Variants in TEX9 observed in about 807,000 individuals in gnomAD.
The protein encoded by TEX9 is testis-expressed protein 9.
A neutral mutation model predicts 59.6 loss-of-function variants in TEX9; 74 were observed. The observed-to-expected ratio is 1.24, with a 90% CI of 1.03 to 1.51. The LOEUF is 1.51. Among genes scored for constraint, TEX9 ranks in the 40% most tolerant of loss-of-function variants. The pLI, the probability that TEX9 is intolerant of heterozygous loss-of-function variation, is 0.00. For synonymous variants in TEX9, 186 were observed against 152.2 expected, an observed-to-expected ratio of 1.22 and a Z score of -1.64; for missense variants, 522 against 447.8, an observed-to-expected ratio of 1.17 and a Z score of -1.49.
the TEX9 span, among the ~76,000 whole-genome samples, chr15:56,460,009 A>AATATATATATATAT: frequency 7.6e-5 from 2 of 26,388 alleles, no homozygotes; most frequent in African/African-American, 3.0e-4. Flanking sequence ...AAAAAAAAAA[A>AATATATATATATAT]ATACATATAT....
intron 1 of TEX9, among the ~76,000 whole-genome samples, chr15:56,287,607 GAAT>G (rs2044984159): frequency 6.6e-6 from 1 of 152,020 alleles, no homozygotes; most frequent in Non-Finnish European, 1.5e-5. Flanking sequence ...TCACCATAAT[GAAT>G]AATAGATCTC....
intron 1 of TEX9, among the ~76,000 whole-genome samples, chr15:56,273,367 T>A (rs1326366034): frequency 6.6e-6 from 1 of 152,224 alleles, no homozygotes; most frequent in African/African-American, 2.4e-5. Flanking sequence ...CAGTTTACCT[T>A]CAAATAACAT....
intron 1 of TEX9, among the ~76,000 whole-genome samples, chr15:56,288,313 A>AT (rs1288986453): frequency 1.3e-5 from 2 of 151,136 alleles, no homozygotes; most frequent in South Asian, 2.1e-4. Context: ...TTTTACTAGA[A>AT]TTTTTTTTTA....
chr15:56,279,267 G>C (rs1041632097), intron 1 of TEX9, among the ~76,000 whole-genome samples: 1 of 152,100 alleles, frequency 6.6e-6, no homozygotes, highest in South Asian at 2.1e-4. Flanking sequence ...GAAGAGCTAG[G>C]GAAGTGAATG....
chr15:56,444,524 C>CTT, intron 12 of TEX9: 3 of 1,511,542 alleles, frequency 2.0e-6, no homozygotes, highest in East Asian at 2.4e-5. Context: ...AAGCTTCCTG[C>CTT]TTTTTTTTTT....
intron 1 of TEX9, among the ~76,000 whole-genome samples, chr15:56,270,571 T>A (rs1035110729): frequency 2.6e-5 from 4 of 152,176 alleles, no homozygotes; most frequent in Admixed American, 2.0e-4. Flanking sequence ...CACTGATGGG[T>A]CTTGACTCTT....
At chr15:56,320,829 C>A (rs1193968005) in intron 1 of TEX9, among the ~76,000 whole-genome samples, 11 of 152,306 alleles carry the variant, frequency 7.2e-5, no homozygotes, top group Admixed American at 7.2e-4. Context: ...TGGTCTAATA[C>A]TAAAGGGCTC....
chr15:56,394,846 G>T lies in TEX9; in HGVS notation c.828+12G>T, dbSNP rs371507729. The T allele has an allele frequency of 1.8e-4, 295 of 1,598,502 alleles. No individual in the cohort carries two copies. Among genetic ancestry groups the T allele is most frequent in the Middle Eastern group, 1.0e-3 (6 of 5,978 alleles). The stretch of plus-strand genomic sequence containing the variant: ...CTTCAGTAGAAAGGGTAATTATTTG[G>T]TATTTTTCCTAACTTAATGCCACAG... On this transcript the variant is annotated intron_variant, in intron 9 of 12. Coordinates refer to ENST00000352903, the Ensembl canonical transcript of TEX9.
chr15:56,267,725 C>CT lies in TEX9; in HGVS notation c.-107+23448dup, dbSNP rs568751251. ...TACCAGTACCATGCTGTTTTGTTTA[C>CT]TGTAGGGTTGTAGTATAGTTTGAAG... On this transcript the variant is annotated intron_variant, in intron 1 of 5. Coordinates refer to the TEX9 transcript ENST00000560827. 5.9e-5 allele frequency among the ~76,000 whole-genome samples: 9 copies of CT among 152,230 alleles called. No individual in the cohort carries two copies. In the South Asian group the frequency reaches 1.9e-3, roughly 32 times the overall value.
intron 9 of TEX9, chr15:56,397,942 G>T: frequency 6.5e-6 from 1 of 153,800 alleles, no homozygotes; most frequent in Non-Finnish European, 1.4e-5. Flanking sequence ...CCCAGTCTTG[G>T]GTATGTCTTT....
intron 1 of TEX9, among the ~76,000 whole-genome samples, chr15:56,292,376 G>C (rs2045114848): frequency 6.6e-6 from 1 of 152,198 alleles, no homozygotes; most frequent in South Asian, 2.1e-4. Flanking sequence ...GAAGAGGAAG[G>C]ACTATTGATA....
At chr15:56,252,519 C>A (rs1181325204) in intron 1 of TEX9, among the ~76,000 whole-genome samples, 2 of 150,678 alleles carry the variant, frequency 1.3e-5, no homozygotes, top group African/African-American at 4.9e-5. Context: ...ACTTAAAATT[C>A]ATGTCTCCAT....
intron 1 of TEX9, among the ~76,000 whole-genome samples, chr15:56,339,340 G>A (rs1051708619): frequency 6.0e-5 from 7 of 117,480 alleles, no homozygotes; most frequent in Admixed American, 1.1e-4. Flanking sequence ...CCCTGATCAC[G>A]CCACTGCACT....
At chr15:56,448,625 C>T (rs774708560), downstream of TEX9, among the ~76,000 whole-genome samples, 15 of 152,170 alleles carry the variant, frequency 9.9e-5, no homozygotes, top group Non-Finnish European at 2.1e-4. Flanking sequence ...TTTCTTTACC[C>T]AATTTCCCAC....
chr15:56,411,244 G>A (rs970062307), intron 9 of TEX9, among the ~76,000 whole-genome samples: 7 of 152,180 alleles, frequency 4.6e-5, no homozygotes, highest in African/African-American at 1.7e-4. Context: ...ACGTGTGTTA[G>A]TGTCTTTTAT....
intron 9 of TEX9, among the ~76,000 whole-genome samples, chr15:56,400,132 G>A (rs1383575556): frequency 6.6e-6 from 1 of 152,250 alleles, no homozygotes; most frequent in African/African-American, 2.4e-5. Flanking sequence ...CATGGAGAAT[G>A]ACCGACGAGT....
chr15:56,315,402 A>G (rs1241147183), intron 1 of TEX9, among the ~76,000 whole-genome samples: 3 of 146,946 alleles, frequency 2.0e-5, no homozygotes, highest in East Asian at 2.0e-4. Context: ...TTTCTCCTTC[A>G]CTTATGAAGC....
intron 1 of TEX9, among the ~76,000 whole-genome samples, chr15:56,284,697 T>C (rs951203759): frequency 6.6e-6 from 1 of 152,146 alleles, no homozygotes; most frequent in South Asian, 2.1e-4. Flanking sequence ...CTATCCACTA[T>C]GCATCCTAAA....
chr15:56,318,495 T>G (rs1397333181), intron 1 of TEX9, among the ~76,000 whole-genome samples: 2 of 152,098 alleles, frequency 1.3e-5, no homozygotes, highest in East Asian at 3.9e-4. Context: ...TTCCACTAAA[T>G]TTGATTAGTG....
Sources: gnomAD v4.1 joint callset for allele counts (sites outside exome capture counted in the v4.1 genomes callset) on GRCh38, gnomAD v4.1.1 for gene constraint, MANE v1.5 for transcripts, NCBI Gene and HGNC (gene_info 2026-07-23, HGNC 2026-07-21) for gene names.